Variants in AFG1L observed in about 807,000 individuals in gnomAD.
AFG1L encodes AFG1 like ATPase.
AFG1L carries 53 observed loss-of-function variants against 62.2 expected under a neutral mutation model. The observed-to-expected ratio is 0.85, with a 90% confidence interval of 0.68 to 1.07. The LOEUF (loss-of-function observed/expected upper bound fraction) is 1.07, where lower values mean the gene tolerates loss of function less well. Ranked by LOEUF, AFG1L falls within the 50% of genes least tolerant of loss-of-function variation. AFG1L has a pLI of 0.00. For synonymous variants in AFG1L, 228 were observed against 210.3 expected, an observed-to-expected ratio of 1.08 and a Z score of -0.73; for missense variants, 555 against 590.5, an observed-to-expected ratio of 0.94 and a Z score of 0.62.
chr6:108,309,180 G>A lies in AFG1L; in HGVS notation c.139+13962G>A, dbSNP rs191266861. 6.2e-3 allele frequency among the ~76,000 whole-genome samples: 951 copies of A among 152,276 alleles called. 10 individuals are homozygous for A. Among genetic ancestry groups the A allele is most frequent in the African/African-American group, 0.02 (850 of 41,538 alleles). ...TGATACCTCTGGAATTAAGTTTTGT[G>A]TATGACATTAGGTTAGGATCAAGAT... On this transcript the variant is annotated intron_variant, in intron 1 of 12. Coordinates refer to ENST00000368977, the MANE Select transcript of AFG1L (RefSeq NM_145315.5).
intron 10 of AFG1L, among the ~76,000 whole-genome samples, chr6:108,480,268 C>G (rs1455992504): frequency 6.6e-6 from 1 of 152,140 alleles, no homozygotes; most frequent in Non-Finnish European, 1.5e-5. Flanking sequence ...AGCCACACAT[C>G]AGGTATCATT....
At chr6:108,481,472 T>C (rs1253176294) in intron 10 of AFG1L, among the ~76,000 whole-genome samples, 1 of 152,182 alleles carries the variant, frequency 6.6e-6, no homozygotes, top group African/African-American at 2.4e-5. Context: ...GCTTTTTCAC[T>C]CTGGTAGTAT....
At chr6:108,457,876 G>A (rs1316271895) in intron 8 of AFG1L, among the ~76,000 whole-genome samples, 1 of 151,900 alleles carries the variant, frequency 6.6e-6, no homozygotes, top group Non-Finnish European at 1.5e-5. Flanking sequence ...TAGGCTGGCT[G>A]GCTTTCCTTT....
At chr6:108,382,288 C>T (rs1260922140) in intron 6 of AFG1L, among the ~76,000 whole-genome samples, 1 of 152,134 alleles carries the variant, frequency 6.6e-6, no homozygotes, top group African/African-American at 2.4e-5. Context: ...GTGTGAGCCA[C>T]CGCGCCTGGC....
chr6:108,405,913 T>A (rs1000002384), intron 7 of AFG1L, among the ~76,000 whole-genome samples: 1 of 152,254 alleles, frequency 6.6e-6, no homozygotes, highest in Admixed American at 6.5e-5. Flanking sequence ...TTATTTCACT[T>A]AGCACATTGT....
intron 7 of AFG1L, among the ~76,000 whole-genome samples, chr6:108,430,830 C>G (rs1013011556): frequency 2.0e-5 from 3 of 152,202 alleles, no homozygotes; most frequent in Admixed American, 1.3e-4. Flanking sequence ...TTCCCCTTCT[C>G]TCAAATTTTA....
chr6:108,437,519 A>G (rs757728775), intron 7 of AFG1L, among the ~76,000 whole-genome samples: 15 of 152,160 alleles, frequency 9.9e-5, no homozygotes, highest in South Asian at 6.2e-4. Context: ...TTAGATGATC[A>G]AGTGAAAGCC....
intron 2 of AFG1L, among the ~76,000 whole-genome samples, chr6:108,328,728 T>C (rs757188597): frequency 6.6e-6 from 1 of 152,122 alleles, no homozygotes; most frequent in Admixed American, 6.6e-5. Context: ...CTTACAGTAG[T>C]TGGTGACATC....
chr6:108,341,079 T>G (rs1261188726), intron 2 of AFG1L, among the ~76,000 whole-genome samples: 2 of 152,190 alleles, frequency 1.3e-5, no homozygotes, highest in African/African-American at 4.8e-5. Context: ...ACTGTCAGAC[T>G]TTTTTCAGCA....
At chr6:108,382,667 G>C (rs766039054) in intron 6 of AFG1L, among the ~76,000 whole-genome samples, 21 of 152,288 alleles carry the variant, frequency 1.4e-4, no homozygotes, top group African/African-American at 4.8e-4. Context: ...TAGTTAAAAA[G>C]TCTGAATTAT....
At chr6:108,386,709 T>C (rs1416658345) in intron 6 of AFG1L, among the ~76,000 whole-genome samples, 1 of 152,238 alleles carries the variant, frequency 6.6e-6, no homozygotes, top group South Asian at 2.1e-4. Flanking sequence ...ACTATAGTGT[T>C]GTCTTATAGA....
At chr6:108,511,568 A>G (rs1208850350) in intron 11 of AFG1L, among the ~76,000 whole-genome samples, 1 of 152,274 alleles carries the variant, frequency 6.6e-6, no homozygotes, top group African/African-American at 2.4e-5. Flanking sequence ...GTACGCTCTC[A>G]GTAAAAGTGA....
intron 10 of AFG1L, among the ~76,000 whole-genome samples, chr6:108,478,624 C>T (rs543097159): frequency 4.3e-4 from 65 of 152,172 alleles, no homozygotes; most frequent in Non-Finnish European, 7.6e-4. Flanking sequence ...TCTATTAAGG[C>T]TCCCACTTAG....
At chr6:108,321,539 A>T (rs1328588373) in intron 1 of AFG1L, among the ~76,000 whole-genome samples, 1 of 152,216 alleles carries the variant, frequency 6.6e-6, no homozygotes, top group Admixed American at 6.5e-5. Flanking sequence ...CTCAGGTGTG[A>T]TGCAATGAAT....
intron 7 of AFG1L, among the ~76,000 whole-genome samples, chr6:108,417,077 TA>T (rs1203834091): frequency 6.6e-6 from 1 of 151,326 alleles, no homozygotes; most frequent in African/African-American, 2.4e-5. Context: ...TACAAAAAAA[TA>T]AAAAATTTAG....
chr6:108,466,801 A>G (rs923815863), intron 8 of AFG1L, among the ~76,000 whole-genome samples: 2 of 149,458 alleles, frequency 1.3e-5, no homozygotes, highest in African/African-American at 2.4e-5. Flanking sequence ...TAAACTATAT[A>G]TATATATGTT....
intron 8 of AFG1L, among the ~76,000 whole-genome samples, chr6:108,466,071 A>C (rs1772653548): frequency 6.6e-6 from 1 of 152,206 alleles, no homozygotes; most frequent in African/African-American, 2.4e-5. Flanking sequence ...TCCTTGTTAA[A>C]AAATAAACTT....
At chr6:108,406,459 A>G (rs544323607) in intron 7 of AFG1L, among the ~76,000 whole-genome samples, 1 of 152,138 alleles carries the variant, frequency 6.6e-6, no homozygotes, top group African/African-American at 2.4e-5. Context: ...ATTGACTGAG[A>G]TGGAGTCTTG....
At chr6:108,443,915 T>C (rs1288268792) in intron 7 of AFG1L, among the ~76,000 whole-genome samples, 1 of 152,000 alleles carries the variant, frequency 6.6e-6, no homozygotes, top group Non-Finnish European at 1.5e-5. Context: ...AAAATAGTGA[T>C]GTTGTTAAAA....
Sources: gnomAD v4.1 joint callset for allele counts (sites outside exome capture counted in the v4.1 genomes callset) on GRCh38, gnomAD v4.1.1 for gene constraint, MANE v1.5 for transcripts, NCBI Gene and HGNC (gene_info 2026-07-23, HGNC 2026-07-21) for gene names.